Variants in GRK5 observed in about 807,000 individuals in gnomAD.
GRK5 encodes the protein g protein-coupled receptor kinase GRK5.
A neutral mutation model predicts 78.4 loss-of-function variants in GRK5; 40 were observed. That is an observed-to-expected ratio of 0.51 (90% confidence interval 0.40 to 0.66). GRK5 has a LOEUF of 0.66. Among genes scored for constraint, GRK5 ranks in the 30% least tolerant of loss-of-function variants. The pLI is 0.00. For missense variants in GRK5, 598 were observed against 759.9 expected, an observed-to-expected ratio of 0.79 and a Z score of 2.50; for synonymous variants, 289 against 296.8, an observed-to-expected ratio of 0.97 and a Z score of 0.27.
chr10:119,331,170 G>T (rs1412828298), intron 2 of GRK5, among the ~76,000 whole-genome samples: 1 of 152,208 alleles, frequency 6.6e-6, no homozygotes, highest in Admixed American at 6.5e-5. Flanking sequence ...TGTCCTTCTA[G>T]GTCCATAAAC....
intron 1 of GRK5, among the ~76,000 whole-genome samples, chr10:119,299,794 ATGTG>A (rs3981127): frequency 0.028 from 3,484 of 124,094 alleles, 68 homozygotes; most frequent in East Asian, 0.16. Flanking sequence ...ATTTAAGCAG[ATGTG>A]TGTGTGTGTG....
intron 1 of GRK5, among the ~76,000 whole-genome samples, chr10:119,303,798 C>G (rs951659909): frequency 6.6e-6 from 1 of 151,190 alleles, no homozygotes; most frequent in African/African-American, 2.4e-5. Context: ...GATTTCACTG[C>G]AGAGCCCAGA....
intron 2 of GRK5, among the ~76,000 whole-genome samples, chr10:119,373,875 G>A (rs1265449614): frequency 6.6e-6 from 1 of 152,206 alleles, no homozygotes; most frequent in Non-Finnish European, 1.5e-5. Context: ...TAATACGAGT[G>A]TGCCTGCGTA....
chr10:119,266,219 G>C (rs1849494026), intron 1 of GRK5, among the ~76,000 whole-genome samples: 1 of 152,198 alleles, frequency 6.6e-6, no homozygotes, highest in Non-Finnish European at 1.5e-5. Context: ...ACTTTGGGAG[G>C]CCGAGGTGGG....
At chr10:119,286,674 G>C (rs76761106) in intron 1 of GRK5, among the ~76,000 whole-genome samples, 1 of 152,206 alleles carries the variant, frequency 6.6e-6, no homozygotes, top group Non-Finnish European at 1.5e-5. Flanking sequence ...TGTTGTCTCC[G>C]GTCAGCCCGC....
chr10:119,446,340 T>A (rs1034782859), intron 12 of GRK5, among the ~76,000 whole-genome samples: 10 of 152,216 alleles, frequency 6.6e-5, no homozygotes, highest in African/African-American at 2.4e-4. Context: ...TTGCCAAGAT[T>A]TAGAAATGAG....
intron 1 of GRK5, among the ~76,000 whole-genome samples, chr10:119,210,361 C>T (rs1379912675): frequency 1.6e-4 from 25 of 152,224 alleles, no homozygotes. Context: ...TAGAGGAAAG[C>T]CATGATTTTA....
At chr10:119,385,342 G>A (rs904541607) in intron 3 of GRK5, among the ~76,000 whole-genome samples, 7 of 152,134 alleles carry the variant, frequency 4.6e-5, no homozygotes, top group Non-Finnish European at 8.8e-5. Context: ...GTAGCTCATT[G>A]CAGTCTCAAC....
In GRK5 at chr10:119,229,779, T is replaced by C. The variant is rs960935987; in HGVS notation, c.52+21810T>C. On this transcript the variant is annotated intron_variant, in intron 1 of 15. Transcript: ENST00000392870. ...CCTTGAGGACAGGTGGCTGGTGGTATGAAGACAGCATTTACAGGGCCCCTA... is the reference window on the plus strand; with the variant it reads ...CCTTGAGGACAGGTGGCTGGTGGTACGAAGACAGCATTTACAGGGCCCCTA... Among the ~76,000 whole-genome samples, 4 of 152,214 alleles carry C rather than the reference T, an allele frequency of 2.6e-5. No individual in the cohort carries two copies. The South Asian group carries it at 8.3e-4, about 32-fold the overall frequency.
At chr10:119,229,287 T>C (rs932764109) in intron 1 of GRK5, among the ~76,000 whole-genome samples, 2 of 151,812 alleles carry the variant, frequency 1.3e-5, no homozygotes, top group African/African-American at 4.8e-5. Context: ...GTGTGCAGCG[T>C]TGTGTGTTTG....
At chr10:119,223,249 A>G (rs546803531) in intron 1 of GRK5, among the ~76,000 whole-genome samples, 2 of 152,130 alleles carry the variant, frequency 1.3e-5, no homozygotes, top group Non-Finnish European at 2.9e-5. Flanking sequence ...CACCAGTGCT[A>G]TTGGATCATG....
intron 1 of GRK5, among the ~76,000 whole-genome samples, chr10:119,237,663 G>A (rs556327910): frequency 6.6e-6 from 1 of 152,118 alleles, no homozygotes; most frequent in Non-Finnish European, 1.5e-5. Flanking sequence ...GGGCTTGAAG[G>A]CCTTTCAACT....
chr10:119,416,585 CTCTCT>C (rs112859519), intron 4 of GRK5, among the ~76,000 whole-genome samples: 82,464 of 136,912 alleles, frequency 0.6, 23,322 homozygotes, highest in East Asian at 0.82. Context: ...CGCTCTCTCT[CTCTCT>C]TTTTTTTTTT....
chr10:119,220,992 A>G (rs1010096271), intron 1 of GRK5, among the ~76,000 whole-genome samples: 4 of 152,104 alleles, frequency 2.6e-5, no homozygotes, highest in East Asian at 1.9e-4. Context: ...TGTCTCTACT[A>G]AAAATACAAA....
chr10:119,231,724 GAA>G (rs941642401), intron 1 of GRK5, among the ~76,000 whole-genome samples: 1 of 142,418 alleles, frequency 7.0e-6, no homozygotes, highest in African/African-American at 2.6e-5. Flanking sequence ...AAAAAAAAAA[GAA>G]AAAAAACTCA....
intron 1 of GRK5, among the ~76,000 whole-genome samples, chr10:119,228,382 C>A (rs2133721151): frequency 6.7e-6 from 1 of 149,980 alleles, no homozygotes; most frequent in South Asian, 2.1e-4. Flanking sequence ...AACCCGCCCC[C>A]CCGCAAAAAC....
Position 119,253,540 on chromosome 10 carries a change from A to G in GRK5, c.52+45571A>G, listed in dbSNP as rs1849234253. On this transcript the variant is annotated intron_variant, in intron 1 of 15. Coordinates refer to ENST00000392870, the MANE Select transcript of GRK5 (RefSeq NM_005308.3). This position sits in a 1 kb window ranked among gnomAD's most constrained non-coding sequence, Gnocchi z 5.7. ...GCCCTGGAGCTTAGGGTGCTGTGAT[A>G]TGCTTGCGGGATGCTGCCCCACCAC... Among the ~76,000 whole-genome samples, 1 of 152,132 alleles carries G rather than the reference A, an allele frequency of 6.6e-6. No individual in the cohort carries two copies. Among genetic ancestry groups the G allele is most frequent in the Admixed American group, 6.5e-5 (1 of 15,272 alleles).
At chr10:119,339,828 G>C (rs568231391) in intron 2 of GRK5, among the ~76,000 whole-genome samples, 8 of 152,282 alleles carry the variant, frequency 5.3e-5, no homozygotes, top group African/African-American at 1.9e-4. Flanking sequence ...CAGGGAGGCA[G>C]AGGTTGCAGT....
intron 1 of GRK5, among the ~76,000 whole-genome samples, chr10:119,223,510 G>C (rs1848689347): frequency 6.6e-6 from 1 of 152,068 alleles, no homozygotes; most frequent in East Asian, 1.9e-4. Context: ...CCTGGAGCTG[G>C]TGGGTTTTCT....
Sources: gnomAD v4.1 joint callset for allele counts (sites outside exome capture counted in the v4.1 genomes callset) on GRCh38, gnomAD v4.1.1 for gene constraint, Gnocchi (gnomAD v3.1) non-coding constraint, MANE v1.5 for transcripts, NCBI Gene and HGNC (gene_info 2026-07-23, HGNC 2026-07-21) for gene names.